The following ADAMTSL1 variants were observed in gnomAD, a reference collection of about 807,000 sequenced individuals.
The protein encoded by ADAMTSL1 is ADAMTS like 1, also known as ADAMTS-like protein 1.
Under a neutral mutation model 201.8 loss-of-function variants are expected in ADAMTSL1, and 126 were observed. The observed-to-expected ratio is 0.62, with a 90% CI of 0.54 to 0.72. ADAMTSL1 has a LOEUF of 0.72. Ranked by LOEUF, ADAMTSL1 falls within the 30% of genes least tolerant of loss-of-function variation. The probability of loss-of-function intolerance (pLI) is 0.00; values close to 1 mark genes in which losing one functional copy is unlikely to be tolerated. For missense variants in ADAMTSL1, 2,679 were observed against 2,277.8 expected (o/e 1.18, Z -3.59); for synonymous variants, 1,121 against 903.4 (o/e 1.24, Z -4.32).
At chr9:18,407,970 A>T (rs1818275560) in intron 2 of ADAMTSL1, among the ~76,000 whole-genome samples, 1 of 152,208 alleles carries the variant, frequency 6.6e-6, no homozygotes, top group Admixed American at 6.5e-5. Context: ...AGACTGTAAC[A>T]TTTTTTTAAA....
At chr9:17,959,049 A>G (rs956156100) in intron 1 of ADAMTSL1, among the ~76,000 whole-genome samples, 9 of 152,220 alleles carry the variant, frequency 5.9e-5, no homozygotes, top group Admixed American at 5.9e-4. Context: ...GTAATTTAAT[A>G]TAATTACTAC....
intron 1 of ADAMTSL1, among the ~76,000 whole-genome samples, chr9:17,959,489 C>T (rs10118310): frequency 0.21 from 32,356 of 151,932 alleles, 3,731 homozygotes; most frequent in East Asian, 0.33. Flanking sequence ...GACAGAGTCT[C>T]GCTCTGTCAC....
intron 1 of ADAMTSL1, among the ~76,000 whole-genome samples, chr9:18,114,678 A>G (rs116113851): frequency 0.011 from 1,708 of 152,286 alleles, 41 homozygotes; most frequent in African/African-American, 0.039. Context: ...AGAGAAAAAA[A>G]CAAAAGAAGA....
intron 2 of ADAMTSL1, among the ~76,000 whole-genome samples, chr9:18,360,868 C>T (rs182545418): frequency 1.3e-5 from 2 of 152,116 alleles, no homozygotes; most frequent in African/African-American, 4.8e-5. Context: ...CATTTTCCCC[C>T]AGAAAAATGG....
intron 1 of ADAMTSL1, among the ~76,000 whole-genome samples, chr9:18,077,766 A>G (rs1371920015): frequency 1.3e-5 from 2 of 152,206 alleles, no homozygotes; most frequent in African/African-American, 2.4e-5. Context: ...GCATATTTGT[A>G]TGCTGATAGA....
chr9:18,024,956 A>G lies in ADAMTSL1; in HGVS notation c.87+118034A>G, dbSNP rs375589772. Among the ~76,000 whole-genome samples the G allele has an allele frequency of 8.7e-4, 132 of 152,204 alleles. 1 individual carries two copies. Among genetic ancestry groups the G allele is most frequent in the African/African-American group, 3.0e-3 (123 of 41,558 alleles). Reference sequence around the variant, plus strand: ...ATTCTTTGATTTCTTAACAATAGCCATTCTGACTGCTGTTAAGATGATATC... The same window carrying G: ...ATTCTTTGATTTCTTAACAATAGCCGTTCTGACTGCTGTTAAGATGATATC... On this transcript the variant is annotated intron_variant, in intron 1 of 29. Transcript: ENST00000680146.
chr9:18,549,316 T>C (rs946976203), intron 3 of ADAMTSL1, among the ~76,000 whole-genome samples: 3 of 152,038 alleles, frequency 2.0e-5, no homozygotes, highest in Non-Finnish European at 4.4e-5. Context: ...GATGAGTTAA[T>C]GTCTTCAAAA....
chr9:18,819,408 A>G (rs987225960), intron 21 of ADAMTSL1, among the ~76,000 whole-genome samples: 1 of 151,410 alleles, frequency 6.6e-6, no homozygotes, highest in Non-Finnish European at 1.5e-5. Context: ...GTGAGCCGAG[A>G]TCGAACCACT....
chr9:18,588,884 C>CATATATATGTATATATATATATATAT (rs1823709008), intron 4 of ADAMTSL1, among the ~76,000 whole-genome samples: 1 of 122,856 alleles, frequency 8.1e-6, no homozygotes, highest in Admixed American at 8.2e-5. Flanking sequence ...TATACATATA[C>CATATATATGTATATATATATATATAT]ATATATATAT....
chr9:18,411,613 T>C lies in ADAMTSL1; in HGVS notation c.208-93216T>C, dbSNP rs7870067. Among the ~76,000 whole-genome samples the C allele has an allele frequency of 5.5e-3, 841 of 152,326 alleles. 9 individuals are homozygous for C. Among genetic ancestry groups the C allele is most frequent in the African/African-American group, 0.019 (789 of 41,590 alleles). ...ATTATCAGAATCGTTATATATACAA[T>C]AAAAGAATAGTAAAACACACCTAAT... is the stretch of plus-strand genomic sequence containing the variant. On this transcript the variant is annotated intron_variant, in intron 2 of 29. Coordinates refer to the ADAMTSL1 transcript ENST00000680146.
At chr9:18,717,627 C>T (rs914487447) in intron 14 of ADAMTSL1, among the ~76,000 whole-genome samples, 5 of 152,152 alleles carry the variant, frequency 3.3e-5, no homozygotes, top group Admixed American at 6.5e-5. Context: ...ATTGTACTCT[C>T]CAATACAAAG....
rs543202063 is a variant in ADAMTSL1 at position 18,646,930 on chromosome 9, T to C, written c.834+7519T>C. On this transcript the variant is annotated intron_variant, in intron 7 of 28. Coordinates refer to ENST00000380548, the MANE Select transcript of ADAMTSL1 (RefSeq NM_001040272.6). ...AAATGAGTTAGGGAGGATTCCCTCTTTTTCTATTGATTGGAATAGTTTCAG... is the reference window on the plus strand; with the variant it reads ...AAATGAGTTAGGGAGGATTCCCTCTCTTTCTATTGATTGGAATAGTTTCAG... 2.6e-5 allele frequency among the ~76,000 whole-genome samples: 4 copies of C among 152,242 alleles called. No individual in the cohort carries two copies. The South Asian group carries it at 8.3e-4, about 32-fold the overall frequency.
chr9:18,441,855 C>T lies in ADAMTSL1; in HGVS notation c.208-62974C>T, dbSNP rs7026870. On this transcript the variant is annotated intron_variant, in intron 2 of 29. Transcript: ENST00000680146. ...TCTATATTACCTGGAACAAAAGGTC[C>T]TCAGTTCAATTTTTAACTAAGTTTT... Among the ~76,000 whole-genome samples the T allele has an allele frequency of 5.4e-3, 824 of 152,248 alleles. 6 individuals are homozygous for T. Among genetic ancestry groups the T allele is most frequent in the African/African-American group, 0.019 (779 of 41,540 alleles).
At chr9:18,742,673 A>G (rs1242105646) in intron 15 of ADAMTSL1, among the ~76,000 whole-genome samples, 1 of 152,188 alleles carries the variant, frequency 6.6e-6, no homozygotes, top group Non-Finnish European at 1.5e-5. Flanking sequence ...GATGTGAAAG[A>G]GAAACATGGT....
intron 2 of ADAMTSL1, among the ~76,000 whole-genome samples, chr9:18,454,910 T>G (rs565357578): frequency 3.2e-4 from 49 of 152,340 alleles, no homozygotes; most frequent in African/African-American, 1.1e-3. Context: ...CTATGTATAT[T>G]CTATTATTGC....
chr9:18,264,049 G>C (rs976178136), intron 2 of ADAMTSL1, among the ~76,000 whole-genome samples: 2 of 152,064 alleles, frequency 1.3e-5, no homozygotes, highest in Admixed American at 6.5e-5. Context: ...CTTTAAAAGA[G>C]AACTCATCAG....
chr9:18,685,480 A>G (rs931831044), intron 13 of ADAMTSL1, among the ~76,000 whole-genome samples: 2 of 152,236 alleles, frequency 1.3e-5, no homozygotes, highest in African/African-American at 4.8e-5. Context: ...CTGCTACATC[A>G]CTTTTACAAA....
intron 2 of ADAMTSL1, among the ~76,000 whole-genome samples, chr9:18,342,925 C>T (rs1164174276): frequency 2.0e-5 from 3 of 152,124 alleles, no homozygotes; most frequent in Non-Finnish European, 4.4e-5. Context: ...AATATAGCTG[C>T]TGGTGCTCGG....
intron 3 of ADAMTSL1, among the ~76,000 whole-genome samples, chr9:18,537,869 G>C (rs1192248013): frequency 7.2e-6 from 1 of 137,956 alleles, no homozygotes; most frequent in African/African-American, 2.8e-5. Context: ...GCAAGACCTT[G>C]TCTCTATTTA....
Sources: allele counts gnomAD v4.1 joint callset (sites outside exome capture counted in the v4.1 genomes callset), GRCh38; gene constraint gnomAD v4.1.1; transcripts MANE v1.5; gene names NCBI Gene and HGNC (gene_info 2026-07-23, HGNC 2026-07-21).